The following PKD2 variants were observed in gnomAD, a reference collection of about 807,000 sequenced individuals.
The protein encoded by PKD2 is polycystin 2, transient receptor potential cation channel.
PKD2 carries 48 observed loss-of-function variants against 105.9 expected under a neutral mutation model. The observed-to-expected ratio is 0.45, with a 90% CI of 0.36 to 0.58. PKD2 has a LOEUF of 0.58. Among genes scored for constraint, PKD2 ranks in the 20% least tolerant of loss-of-function variants. The probability of loss-of-function intolerance (pLI) is 0.00; values close to 1 mark genes in which losing one functional copy is unlikely to be tolerated. For missense variants in PKD2, 1,078 were observed against 1,255.3 expected, an observed-to-expected ratio of 0.86 and a Z score of 2.13; for synonymous variants, 464 against 481.1, an observed-to-expected ratio of 0.96 and a Z score of 0.46.
chr4:88,051,750 A>G (rs1344134266), intron 6 of PKD2, among the ~76,000 whole-genome samples: 1 of 152,206 alleles, frequency 6.6e-6, no homozygotes, highest in African/African-American at 2.4e-5. Context: ...ACATGCATGC[A>G]TGCCTTCGTT....
intron 2 of PKD2, among the ~76,000 whole-genome samples, chr4:88,026,879 C>T (rs558876514): frequency 6.6e-6 from 1 of 152,312 alleles, no homozygotes; most frequent in Admixed American, 6.5e-5. Context: ...TCAGAGGGTA[C>T]AAATCCCAAG....
intron 12 of PKD2, 48 bp from the exon 13 acceptor site, chr4:88,067,850 T>TG: frequency 6.4e-7 from 1 of 1,563,368 alleles, no homozygotes; most frequent in Non-Finnish European, 8.8e-7. Flanking sequence ...GAGGCTTCTG[T>TG]GGGGTCTCAG....
intron 2 of PKD2, among the ~76,000 whole-genome samples, chr4:88,020,493 G>C (rs141693053): frequency 6.6e-6 from 1 of 151,994 alleles, no homozygotes; most frequent in Non-Finnish European, 1.5e-5. Context: ...ATGCCTGAGC[G>C]AGAGACTAGC....
intron 4 of PKD2, 72 bp downstream of exon 4, chr4:88,038,573 A>G: frequency 6.7e-7 from 1 of 1,496,596 alleles, no homozygotes; most frequent in Non-Finnish European, 9.3e-7. Context: ...CCATTCATTC[A>G]TTCATTCCCT....
intron 13 of PKD2, among the ~76,000 whole-genome samples, chr4:88,069,234 T>G (rs74933714): frequency 0.027 from 4,108 of 152,222 alleles, 182 homozygotes; most frequent in East Asian, 0.22. Context: ...GATCTTATCT[T>G]TTTATCCAGT....
intron 4 of PKD2, among the ~76,000 whole-genome samples, chr4:88,040,299 T>A (rs1727511107): frequency 6.6e-6 from 1 of 152,170 alleles, no homozygotes; most frequent in Non-Finnish European, 1.5e-5. Context: ...CGCTCTCAGC[T>A]CCCCATCAGT....
chr4:88,020,575 C>T (rs910349302), intron 2 of PKD2, among the ~76,000 whole-genome samples: 3 of 151,748 alleles, frequency 2.0e-5, no homozygotes, highest in Non-Finnish European at 4.4e-5. Flanking sequence ...AAAGGGCGTT[C>T]GATGATGGAT....
rs1316563923 is a variant in PKD2 at position 88,065,898 on chromosome 4, A to T, written c.2358+19A>T. ...AGAGAGGGTGGGTCTGGTTTAGGAG[A>T]ACCGGATTTGATTTGGTACCTACAA... On this transcript the variant is annotated intron_variant, in intron 12 of 14. Coordinates refer to ENST00000237596, the MANE Select transcript of PKD2 (RefSeq NM_000297.4). 7.1e-6 allele frequency: 10 copies of T among 1,408,014 alleles called. No individual in the cohort carries two copies. Among genetic ancestry groups the T allele is most frequent in the Admixed American group, 6.7e-5 (4 of 59,758 alleles). The allele number at this position is 1,408,014 out of a possible 1,614,324, so 87.2% of individuals were successfully genotyped here.
intron 6 of PKD2, among the ~76,000 whole-genome samples, chr4:88,047,965 A>C (rs759980489): frequency 2.0e-4 from 30 of 152,222 alleles, no homozygotes; most frequent in Admixed American, 5.2e-4. Flanking sequence ...CTTCATCCTT[A>C]TCACTTAATT....
rs1560607042 is a variant in PKD2, at chr4:88,036,140, A to G, written c.710-80A>G. The G allele has an allele frequency of 4.3e-6, 7 of 1,612,206 alleles. No homozygotes were observed. The African/African-American group carries it at 5.3e-5, about 12-fold the overall frequency. On this transcript the variant is annotated intron_variant, in intron 2 of 14. Coordinates refer to ENST00000237596, the MANE Select transcript of PKD2 (RefSeq NM_000297.4). ...GTCCAAAATGTTTATCCACAGGAAC[A>G]ATCCCTTTGTGAAGGCTGCTGGTAT...
At chr4:88,038,764 C>G (rs1489519333) in intron 4 of PKD2, among the ~76,000 whole-genome samples, 1 of 152,170 alleles carries the variant, frequency 6.6e-6, no homozygotes, top group South Asian at 2.1e-4. Flanking sequence ...AATTAATTAT[C>G]TGAGCGTTTG....
At chr4:88,046,517 T>TG in intron 5 of PKD2, 125 bp from the exon 6 acceptor site, 1 of 726,616 alleles carries the variant, frequency 1.4e-6, no homozygotes, top group Non-Finnish European at 2.5e-6. Context: ...GCCGCTAGTT[T>TG]GGGGGGACTC....
chr4:88,036,383 T>G, intron 3 of PKD2, 30 bp downstream of exon 3: 1 of 1,609,716 alleles, frequency 6.2e-7, no homozygotes, highest in South Asian at 1.1e-5. Context: ...AAAGTACCTC[T>G]CTATCACAGA....
Position 88,060,343 on chromosome 4 carries a change from TCTTC to T in PKD2, c.2020-1559_2020-1556del, listed in dbSNP as rs1429231450. ...TCTGCTACAGAATTGTAAACAATAT[TCTTC>T]CTTAATACAGAAATTCATAGCCCAC... is the stretch of plus-strand genomic sequence containing the variant. On this transcript the variant is annotated intron_variant, in intron 9 of 14. Coordinates refer to ENST00000237596, the MANE Select transcript of PKD2 (RefSeq NM_000297.4). 2.6e-5 allele frequency among the ~76,000 whole-genome samples: 4 copies of T among 152,094 alleles called. No homozygotes were observed. The East Asian group carries it at 5.8e-4, about 22-fold the overall frequency.
At chr4:88,075,080 A>G (rs1401464604) in intron 14 of PKD2, 121 bp downstream of exon 14, 1 of 1,020,894 alleles carries the variant, frequency 9.8e-7, no homozygotes, top group East Asian at 2.6e-5. Flanking sequence ...GTTTATAGAA[A>G]TTCACAATGA....
At chr4:88,038,139 A>G in intron 3 of PKD2, 112 bp from the exon 4 acceptor site, 1 of 1,095,370 alleles carries the variant, frequency 9.1e-7, no homozygotes, top group Non-Finnish European at 1.4e-6. Flanking sequence ...CATTCTTATC[A>G]CTCTACTATT....
intron 9 of PKD2, 98 bp from the exon 10 acceptor site, chr4:88,061,808 A>T (rs1720583548): frequency 1.4e-6 from 1 of 701,602 alleles, no homozygotes. Context: ...AGATTAGGAA[A>T]AAAAGGATAA....
intron 13 of PKD2, among the ~76,000 whole-genome samples, chr4:88,071,975 CTTTTTTTTTT>C (rs1199490302): frequency 1.1e-5 from 1 of 87,110 alleles, no homozygotes; most frequent in Non-Finnish European, 2.1e-5. Flanking sequence ...AGAGGCCAGT[CTTTTTTTTTT>C]TTTTTTTTTT....
At chr4:88,054,906 G>A (rs796131910) in intron 7 of PKD2, among the ~76,000 whole-genome samples, 17 of 151,102 alleles carry the variant, frequency 1.1e-4, no homozygotes, top group African/African-American at 3.9e-4. Context: ...CACCCACCTC[G>A]GCCTCCCAAA....
Sources: gnomAD v4.1 joint callset for allele counts (sites outside exome capture counted in the v4.1 genomes callset) on GRCh38, gnomAD v4.1.1 for gene constraint, MANE v1.5 for transcripts, NCBI Gene and HGNC (gene_info 2026-07-23, HGNC 2026-07-21) for gene names.